Variants in DIABLO observed in about 807,000 individuals in gnomAD.
DIABLO encodes diablo homolog, mitochondrial.
A neutral mutation model predicts 31.7 loss-of-function variants in DIABLO; 32 were observed. The ratio of observed to expected loss-of-function variants is 1.01; its 90% CI spans 0.76 to 1.35. DIABLO has a LOEUF of 1.35. DIABLO is among the 40% of genes most tolerant of loss of function. The pLI is 0.00. For missense variants in DIABLO, 316 were observed against 286.4 expected, an observed-to-expected ratio of 1.10 and a Z score of -0.75; for synonymous variants, 132 against 103.2, an observed-to-expected ratio of 1.28 and a Z score of -1.69.
At chr12:122,208,738 A>G (rs540421463) in intron 5 of DIABLO, 161 bp from the exon 6 acceptor site, 4 of 744,880 alleles carry the variant, frequency 5.4e-6, no homozygotes, top group African/African-American at 1.7e-5. Context: ...TTCCACCTCT[A>G]TGTTCAGGTC....
At chr12:122,215,883 G>GA (rs60645708) in intron 5 of DIABLO, among the ~76,000 whole-genome samples, 10 of 94,254 alleles carry the variant, frequency 1.1e-4, no homozygotes, top group East Asian at 4.5e-4. Context: ...TTTTATGAAG[G>GA]AAAAAAAAAA....
chr12:122,217,106 A>G (rs1954231529), intron 3 of DIABLO: 3 of 475,324 alleles, frequency 6.3e-6, no homozygotes. Context: ...CAGAAAGAGA[A>G]AACAATGCAA....
chr12:122,224,516 G>A lies in DIABLO; in HGVS notation c.179C>T (p.Ala60Val), dbSNP rs199898020. 3.5e-4 allele frequency: 572 copies of A among 1,613,524 alleles called. No homozygotes were observed. The highest frequency in any genetic ancestry group is 4.5e-4 in the Non-Finnish European group (536 of 1,179,952). Residue 60 changes from alanine to valine, a missense_variant, in exon 2 of 6, where the codon GCA (alanine) becomes GTA (valine). Transcript: ENST00000464942. Reference sequence around the variant, plus strand: ...AATCACTGCACACGACAGTACCTGTGCAATAGGAACCGCACACAGGGTTAC... The same window carrying A: ...AATCACTGCACACGACAGTACCTGTACAATAGGAACCGCACACAGGGTTAC... ...FGVTLCAVPIAQKSEPHSLSS... is the reference protein window; with the variant it reads ...FGVTLCAVPIVQKSEPHSLSS...
intron 5 of DIABLO, among the ~76,000 whole-genome samples, chr12:122,211,601 T>C (rs1426338326): frequency 1.3e-5 from 2 of 151,834 alleles, no homozygotes; most frequent in Non-Finnish European, 2.9e-5. Flanking sequence ...GGAAGATGGC[T>C]TGAGCCCAGG....
chr12:122,209,862 A>C (rs1954040758), intron 5 of DIABLO: 1 of 701,170 alleles, frequency 1.4e-6, no homozygotes, highest in East Asian at 2.7e-5. Flanking sequence ...AACACTTCTG[A>C]AAGTCCACAC....
rs372593664 is a variant in DIABLO, at chr12:122,219,128, G to A, written c.184-731C>T. Among the ~76,000 whole-genome samples, 53 of 151,984 alleles carry A rather than the reference G, an allele frequency of 3.5e-4. No individual in the cohort carries two copies. In the South Asian group the frequency reaches 0.01, roughly 30 times the overall value. Reference sequence around the variant, plus strand: ...CACGCCTGTAGTCCCAGCTACTTGGGAGGCTGAGGCAGAAGAATCACTTGA... The same window carrying A: ...CACGCCTGTAGTCCCAGCTACTTGGAAGGCTGAGGCAGAAGAATCACTTGA... On this transcript the variant is annotated intron_variant, in intron 2 of 5. Coordinates refer to ENST00000464942, the MANE Select transcript of DIABLO (RefSeq NM_001371333.1).
Position 122,212,235 on chromosome 12 carries a change from G to GTGTT in DIABLO, c.524-3662_524-3659dup, listed in dbSNP as rs1429314259. 4.6e-5 allele frequency among the ~76,000 whole-genome samples: 7 copies of GTGTT among 152,142 alleles called. No individual in the cohort carries two copies. The East Asian group carries it at 1.4e-3, about 29-fold the overall frequency. On this transcript the variant is annotated intron_variant, in intron 5 of 5. Transcript: ENST00000464942. ...CCCACTCCTACTAATTCTCTTTGCA[G>GTGTT]TGTTTAACAATGTCTAATGTCAATG...
At chr12:122,224,909 G>C (rs1028391781) in intron 1 of DIABLO, 2 of 1,237,190 alleles carry the variant, frequency 1.6e-6, no homozygotes, top group Non-Finnish European at 2.1e-6. Flanking sequence ...AGGAGTTCAC[G>C]ACCAGCCTGG....
At chr12:122,226,165 G>A, upstream of DIABLO, 3 of 1,209,480 alleles carry the variant, frequency 2.5e-6, no homozygotes, top group Non-Finnish European at 3.5e-6. Context: ...AGGGGGAAAG[G>A]GGGCGAGGCT....
rs1372388625 is a variant in DIABLO at position 122,214,739 on chromosome 12, G to A, written c.523+1749C>T. Reference sequence around the variant, plus strand: ...AGTTTCTTTTTTTTTTCTTGAGACAGAGTCTTGCTCTGTCACCAAGGCTTG... The same window carrying A: ...AGTTTCTTTTTTTTTTCTTGAGACAAAGTCTTGCTCTGTCACCAAGGCTTG... On this transcript the variant is annotated intron_variant, in intron 5 of 5. Transcript: ENST00000464942. Among the ~76,000 whole-genome samples, 4 of 151,802 alleles carry A rather than the reference G, an allele frequency of 2.6e-5. No homozygotes were observed. The South Asian group carries it at 8.3e-4, about 32-fold the overall frequency.
chr12:122,215,743 T>C (rs1048530269), intron 5 of DIABLO, among the ~76,000 whole-genome samples: 4 of 150,586 alleles, frequency 2.7e-5, no homozygotes, highest in African/African-American at 9.8e-5. Flanking sequence ...GCAGAGGCTT[T>C]GGAATTCGAC....
rs1431456701 is a variant in DIABLO, at chr12:122,224,551, A to G, written c.144T>C (p.Ile48=). 1 of 1,613,944 alleles carries G rather than the reference A, an allele frequency of 6.2e-7. No homozygotes were observed. The highest frequency in any genetic ancestry group is 1.3e-5 in the African/African-American group (1 of 74,866). Residue 48 remains isoleucine (I), a synonymous_variant, in exon 2 of 6, where the codon ATT becomes ATC. Transcript: ENST00000464942. ...CCGCACACAGGGTTACTCCAAAGCCAATCGTCACAGTTTTGTGCCATGGTC... is the reference window on the plus strand; with the variant it reads ...CCGCACACAGGGTTACTCCAAAGCCGATCGTCACAGTTTTGTGCCATGGTC... The part of the protein sequence containing the change: ...LIRPWHKTVT[I]GFGVTLCAVP...
chr12:122,226,066 G>C (rs758295462), upstream of DIABLO: 2 of 1,571,474 alleles, frequency 1.3e-6, no homozygotes, highest in Admixed American at 3.7e-5. Flanking sequence ...GCAGCTTCGT[G>C]AGCGCGGAGC....
rs372251836 is a variant in DIABLO, at chr12:122,211,039, A to C, written c.524-2462T>G. 1.7e-3 allele frequency among the ~76,000 whole-genome samples: 236 copies of C among 136,828 alleles called. 1 individual carries two copies. Among genetic ancestry groups the C allele is most frequent in the African/African-American group, 6.1e-3 (219 of 36,186 alleles). 89.8% of individuals were successfully genotyped at this position (136,828 alleles called of 152,430 possible). ...TTCCCGCATGGACCCTGTCTCTCTC[A>C]CACACACAAATCTGATTTTCCTTTG... is the stretch of plus-strand genomic sequence containing the variant. On this transcript the variant is annotated intron_variant, in intron 5 of 5. Transcript: ENST00000464942.
chr12:122,213,159 C>G (rs542838058), intron 5 of DIABLO, among the ~76,000 whole-genome samples: 1 of 151,574 alleles, frequency 6.6e-6, no homozygotes, highest in Non-Finnish European at 1.5e-5. Flanking sequence ...AGTGATCCAC[C>G]TGCTTAGGCA....
At chr12:122,226,078 G>C (rs899354829), upstream of DIABLO, 1 of 1,559,706 alleles carries the variant, frequency 6.4e-7, no homozygotes, top group Non-Finnish European at 8.7e-7. Context: ...GCGCGGAGCG[G>C]GGCACGGCCT....
In DIABLO at chr12:122,208,484, G is replaced by C. The variant is rs1274156633; in HGVS notation, c.617C>G (p.Thr206Ser). The C allele has an allele frequency of 6.2e-7, 1 of 1,614,128 alleles. No homozygotes were observed. The highest frequency in any genetic ancestry group is 1.3e-5 in the African/African-American group (1 of 75,048). The change falls in exon 6 of 6, where the codon ACC becomes AGC. Residue 206 changes from threonine to serine, a missense_variant. Coordinates refer to ENST00000464942, the MANE Select transcript of DIABLO (RefSeq NM_001371333.1). Reference protein sequence around the residue: ...EVHQLSRKAETKLAEAQIEEL... With the variant: ...EVHQLSRKAESKLAEAQIEEL... ...TTCTATCTGTGCTTCTGCCAGCTTG[G>C]TTTCTGCTTTCCGGGAGAGCTGGTG... is the stretch of plus-strand genomic sequence containing the variant.
chr12:122,221,109 A>C (rs1317070993), intron 2 of DIABLO: 1 of 152,228 alleles, frequency 6.6e-6, no homozygotes, highest in Non-Finnish European at 1.5e-5. Context: ...CTGATGACTC[A>C]GGAGGGTGCC....
chr12:122,223,303 C>T (rs751265907), intron 2 of DIABLO, among the ~76,000 whole-genome samples: 3 of 151,816 alleles, frequency 2.0e-5, no homozygotes, highest in African/African-American at 4.8e-5. Flanking sequence ...GGTGCGGTGG[C>T]ACACCCCTGT....
Sources: allele counts gnomAD v4.1 joint callset (sites outside exome capture counted in the v4.1 genomes callset), GRCh38; gene constraint gnomAD v4.1.1; transcripts MANE v1.5; gene names NCBI Gene and HGNC (gene_info 2026-07-23, HGNC 2026-07-21).